ZNF804B: variants seen among roughly 807,000 people sequenced by gnomAD.
The protein encoded by ZNF804B is zinc finger protein 804B.
In ZNF804B, 80 loss-of-function variants were observed where a neutral mutation model predicts 101.4. The observed-to-expected ratio is 0.79, with a 90% CI of 0.66 to 0.95. The LOEUF is 0.95. Ranked by LOEUF, ZNF804B falls within the 40% of genes least tolerant of loss-of-function variation. The pLI, the probability that ZNF804B is intolerant of heterozygous loss-of-function variation, is 0.00. For missense variants in ZNF804B, 1,673 were observed against 1,561.9 expected, an observed-to-expected ratio of 1.07 and a Z score of -1.20; for synonymous variants, 622 against 558.8, an observed-to-expected ratio of 1.11 and a Z score of -1.59.
At chr7:88,856,336 G>GT (rs1791558844) in intron 1 of ZNF804B, among the ~76,000 whole-genome samples, 1 of 152,230 alleles carries the variant, frequency 6.6e-6, no homozygotes, top group South Asian at 2.1e-4. Context: ...CTTGTAAGTT[G>GT]TATTCATAGG....
At chr7:88,810,056 T>C (rs1269338759) in intron 1 of ZNF804B, among the ~76,000 whole-genome samples, 1 of 152,222 alleles carries the variant, frequency 6.6e-6, no homozygotes, top group Non-Finnish European at 1.5e-5. Flanking sequence ...TTCACTTGTA[T>C]CTCGTAACCC....
chr7:89,244,708 C>T (rs1043615503), intron 2 of ZNF804B, among the ~76,000 whole-genome samples: 4 of 152,096 alleles, frequency 2.6e-5, no homozygotes, highest in South Asian at 2.1e-4. Context: ...AGAAGATAAA[C>T]CCCGGACATA....
chr7:89,169,901 C>G (rs1017917730), intron 1 of ZNF804B, among the ~76,000 whole-genome samples: 1 of 152,108 alleles, frequency 6.6e-6, no homozygotes, highest in African/African-American at 2.4e-5. Flanking sequence ...GCTCTAGATA[C>G]TATGGTTTAC....
At position 88,916,424 on chromosome 7, in the gene ZNF804B, A is replaced by G. The variant is rs569539421; in HGVS notation, c.108+156340A>G. On this transcript the variant is annotated intron_variant, in intron 1 of 3. Transcript: ENST00000333190. The stretch of plus-strand genomic sequence containing the variant: ...CATAATGGTATTGGTAATGAAAACA[A>G]TGTCTGAGGTTCTAACTGACCATAA... Among the ~76,000 whole-genome samples, 5 of 152,212 alleles carry G rather than the reference A, an allele frequency of 3.3e-5. 1 individual carries two copies. The South Asian group carries it at 8.3e-4, about 25-fold the overall frequency.
intron 2 of ZNF804B, among the ~76,000 whole-genome samples, chr7:89,241,186 C>G (rs1584077431): frequency 1.3e-5 from 2 of 152,088 alleles, no homozygotes; most frequent in South Asian, 2.1e-4. Flanking sequence ...CAACTTTACT[C>G]CCCCAAATCC....
At chr7:89,133,193 A>C (rs958984959) in intron 1 of ZNF804B, among the ~76,000 whole-genome samples, 3 of 152,010 alleles carry the variant, frequency 2.0e-5, no homozygotes, top group African/African-American at 7.2e-5. Context: ...GAGGTAAATG[A>C]GCTTCTTGTC....
chr7:88,871,812 A>G (rs1186893391), intron 1 of ZNF804B, among the ~76,000 whole-genome samples: 1 of 152,086 alleles, frequency 6.6e-6, no homozygotes, highest in African/African-American at 2.4e-5. Flanking sequence ...ATAAAAAAAT[A>G]CAAAAGTTAG....
At chr7:89,042,293 T>C (rs1157061053) in intron 1 of ZNF804B, among the ~76,000 whole-genome samples, 1 of 152,148 alleles carries the variant, frequency 6.6e-6, no homozygotes, top group African/African-American at 2.4e-5. Flanking sequence ...AGAAATGTTA[T>C]AATATTTCTG....
intron 2 of ZNF804B, among the ~76,000 whole-genome samples, chr7:89,236,740 T>C (rs745816583): frequency 6.6e-6 from 1 of 152,134 alleles, no homozygotes; most frequent in Non-Finnish European, 1.5e-5. Flanking sequence ...TAATAGATGG[T>C]GCTTTTATAT....
rs965110576 is a variant in ZNF804B, at chr7:89,336,654, T to G, written c.3672T>G (p.Ser1224Arg). The G allele has an allele frequency of 3.7e-6, 6 of 1,614,106 alleles. No individual in the cohort carries two copies. The African/African-American group carries it at 5.3e-5, about 14-fold the overall frequency. The change falls in exon 4 of 4, where the codon AGT becomes AGG. Residue 1224 changes from serine (S) to arginine (R), a missense_variant. By Grantham distance (110) the Ser-to-Arg change is moderately radical (BLOSUM62 -1). Coordinates refer to ENST00000333190, the MANE Select transcript of ZNF804B (RefSeq NM_181646.5). ...LQHFAVSASL[S>R]SHSSHLPIAH... ...ATTTTGCTGTTTCTGCTTCCTTAAG[T>G]TCTCATAGCAGTCACCTCCCTATTG...
chr7:88,950,684 T>G (rs1288954445), intron 1 of ZNF804B, among the ~76,000 whole-genome samples: 1 of 151,872 alleles, frequency 6.6e-6, no homozygotes, highest in Non-Finnish European at 1.5e-5. Context: ...TCTTTATGCC[T>G]TTGCAGGTTT....
chr7:89,147,258 A>C (rs1207641194), intron 1 of ZNF804B, among the ~76,000 whole-genome samples: 1 of 151,962 alleles, frequency 6.6e-6, no homozygotes, highest in African/African-American at 2.4e-5. Flanking sequence ...TATGTTTCAA[A>C]ATGTTGAACA....
At chr7:88,965,105 C>T (rs1793436209) in intron 1 of ZNF804B, among the ~76,000 whole-genome samples, 1 of 151,298 alleles carries the variant, frequency 6.6e-6, no homozygotes, top group South Asian at 2.1e-4. Context: ...AGGGTAGAAA[C>T]AATAAAACTA....
intron 1 of ZNF804B, among the ~76,000 whole-genome samples, chr7:89,166,700 C>T (rs1791149812): frequency 6.6e-6 from 1 of 152,138 alleles, no homozygotes. Flanking sequence ...TATGGTATTG[C>T]ACTAAACATG....
intron 1 of ZNF804B, among the ~76,000 whole-genome samples, chr7:88,987,276 C>A (rs1793771552): frequency 6.6e-6 from 1 of 152,020 alleles, no homozygotes; most frequent in Non-Finnish European, 1.5e-5. Flanking sequence ...ATTGTTAAAA[C>A]CAAGATTTGT....
chr7:88,970,367 C>A (rs149081406), intron 1 of ZNF804B, among the ~76,000 whole-genome samples: 12 of 148,004 alleles, frequency 8.1e-5, no homozygotes, highest in Admixed American at 2.7e-4. Context: ...CCCCACAACC[C>A]TCTACACTGT....
chr7:89,208,620 G>A (rs1401265285), intron 1 of ZNF804B, among the ~76,000 whole-genome samples: 1 of 152,148 alleles, frequency 6.6e-6, no homozygotes, highest in Non-Finnish European at 1.5e-5. Context: ...TTTTCTGGTG[G>A]AGGAACTGTA....
intron 1 of ZNF804B, among the ~76,000 whole-genome samples, chr7:88,892,977 T>C (rs1792234818): frequency 6.6e-6 from 1 of 152,150 alleles, no homozygotes; most frequent in South Asian, 2.1e-4. Context: ...CCTATCAGAG[T>C]AATTTTTTAA....
At chr7:89,132,276 CAGTG>C (rs1416702739) in intron 1 of ZNF804B, among the ~76,000 whole-genome samples, 4 of 151,500 alleles carry the variant, frequency 2.6e-5, no homozygotes, top group Non-Finnish European at 5.9e-5. Flanking sequence ...AAAAATAAAT[CAGTG>C]AGAACTGGAA....
Sources: gnomAD v4.1 joint callset for allele counts (sites outside exome capture counted in the v4.1 genomes callset) on GRCh38, gnomAD v4.1.1 for gene constraint, MANE v1.5 for transcripts, NCBI Gene and HGNC (gene_info 2026-07-23, HGNC 2026-07-21) for gene names.